Variants in VPS13A observed in about 807,000 individuals in gnomAD.
The protein encoded by VPS13A is vacuolar protein sorting 13 homolog A, also known as intermembrane lipid transfer protein VPS13A.
In VPS13A, 264 loss-of-function variants were observed where a neutral mutation model predicts 390.9. The ratio of observed to expected loss-of-function variants is 0.68; its 90% CI spans 0.61 to 0.75. The LOEUF (loss-of-function observed/expected upper bound fraction) is 0.75. VPS13A is among the 30% of genes least tolerant of loss of function. The pLI, the probability that VPS13A is intolerant of heterozygous loss-of-function variation, is 0.00. For missense variants in VPS13A, 3,409 were observed against 3,733.9 expected (o/e 0.91, Z 2.27); for synonymous variants, 1,231 against 1,227.1 (o/e 1.00, Z -0.07).
At chr9:77,395,439 C>T (rs1417794900) in intron 68 of VPS13A, among the ~76,000 whole-genome samples, 2 of 152,048 alleles carry the variant, frequency 1.3e-5, no homozygotes, top group Non-Finnish European at 2.9e-5. Context: ...GATCAGTGAT[C>T]ACAGATCACC....
At chr9:77,285,809 A>G (rs971214884) in intron 31 of VPS13A, among the ~76,000 whole-genome samples, 1 of 152,340 alleles carries the variant, frequency 6.6e-6, no homozygotes, top group East Asian at 1.9e-4. Context: ...AAGGAGATCC[A>G]CACACTGCAT....
chr9:77,282,470 CTTT>C (rs1827095701), intron 29 of VPS13A, among the ~76,000 whole-genome samples, 196 bp downstream of exon 29: 1 of 151,778 alleles, frequency 6.6e-6, no homozygotes, highest in South Asian at 2.1e-4. Flanking sequence ...GAAAATGTTG[CTTT>C]TGTTTATCGT....
chr9:77,266,295 G>T (rs945170036), intron 23 of VPS13A, among the ~76,000 whole-genome samples: 5 of 152,200 alleles, frequency 3.3e-5, no homozygotes, highest in Non-Finnish European at 5.9e-5. Flanking sequence ...GAGTTCTGTA[G>T]ATGTCTATTA....
chr9:77,310,566 C>G (rs1013322103), intron 35 of VPS13A, among the ~76,000 whole-genome samples: 3 of 152,118 alleles, frequency 2.0e-5, no homozygotes, highest in Non-Finnish European at 2.9e-5. Context: ...TTCAGAGATG[C>G]ACTCATCGTG....
intron 26 of VPS13A, among the ~76,000 whole-genome samples, chr9:77,277,231 T>A (rs1216166550): frequency 6.6e-6 from 1 of 152,316 alleles, no homozygotes; most frequent in African/African-American, 2.4e-5. Flanking sequence ...CATAATAATA[T>A]TATGTATGAG....
intron 31 of VPS13A, among the ~76,000 whole-genome samples, chr9:77,285,782 A>G (rs1023706277): frequency 4.9e-5 from 7 of 142,378 alleles, no homozygotes; most frequent in African/African-American, 1.8e-4. Flanking sequence ...TATTTTCCAT[A>G]TGGCATTCAG....
chr9:77,403,423 C>A, intron 69 of VPS13A, 102 bp downstream of exon 69: 1 of 977,184 alleles, frequency 1.0e-6, no homozygotes, highest in Non-Finnish European at 1.6e-6. Flanking sequence ...TATAGTCACA[C>A]TGATTCTTGG....
chr9:77,395,586 C>T (rs1170002692), intron 68 of VPS13A: 5 of 152,038 alleles, frequency 3.3e-5, no homozygotes, highest in African/African-American at 1.2e-4. Context: ...TTGCCATAAA[C>T]CTTCAATTTG....
At chr9:77,230,407 T>TGGTGTGA (rs1434306900) in intron 17 of VPS13A, among the ~76,000 whole-genome samples, 1 of 151,668 alleles carries the variant, frequency 6.6e-6, no homozygotes, top group Non-Finnish European at 1.5e-5. Flanking sequence ...TGTTAGTGTG[T>TGGTGTGA]GGTGTGAGGT....
At chr9:77,285,821 T>TG (rs1225962308) in intron 31 of VPS13A, among the ~76,000 whole-genome samples, 1 of 152,220 alleles carries the variant, frequency 6.6e-6, no homozygotes, top group Non-Finnish European at 1.5e-5. Context: ...ACACTGCATT[T>TG]GATTGATATA....
chr9:77,351,232 A>G lies in VPS13A; in HGVS notation c.7290-85A>G. The G allele has an allele frequency of 5.2e-6, 8 of 1,542,724 alleles. No homozygotes were observed. The South Asian group carries it at 9.0e-5, about 17-fold the overall frequency. ...CGATCACAGATCTCAGTGAACTAAG[A>G]ATTAATGAAGTATTATTTTAGTTTT... On this transcript the variant is annotated intron_variant, in intron 52 of 71. Transcript: ENST00000360280.
At chr9:77,403,466 C>T in intron 69 of VPS13A, 145 bp downstream of exon 69, 1 of 715,178 alleles carries the variant, frequency 1.4e-6, no homozygotes, top group South Asian at 1.5e-5. Flanking sequence ...ACTCGCTAAA[C>T]ATTACATAAA....
At chr9:77,389,217 T>C (rs897264084) in intron 68 of VPS13A, among the ~76,000 whole-genome samples, 4 of 152,152 alleles carry the variant, frequency 2.6e-5, no homozygotes, top group Non-Finnish European at 5.9e-5. Flanking sequence ...ATTATTAACT[T>C]CTAAAGATTA....
intron 13 of VPS13A, among the ~76,000 whole-genome samples, chr9:77,222,934 C>G (rs543507757): frequency 6.6e-6 from 1 of 152,266 alleles, no homozygotes; most frequent in Non-Finnish European, 1.5e-5. Context: ...TCACATGTGG[C>G]CAGTTGTTCA....
chr9:77,351,768 C>T (rs975646849), intron 53 of VPS13A, among the ~76,000 whole-genome samples: 1 of 152,074 alleles, frequency 6.6e-6, no homozygotes, highest in African/African-American at 2.4e-5. Flanking sequence ...ACTAAGGAGG[C>T]TGAGGCAGAA....
chr9:77,189,029 T>C (rs1478593690), intron 1 of VPS13A, among the ~76,000 whole-genome samples: 1 of 152,198 alleles, frequency 6.6e-6, no homozygotes, highest in East Asian at 1.9e-4. Context: ...GTTGGATGTA[T>C]AGCTTGCAAA....
At chr9:77,317,527 C>T in intron 39 of VPS13A, 79 bp from the exon 40 acceptor site, 2 of 1,059,206 alleles carry the variant, frequency 1.9e-6, no homozygotes. Context: ...TTTGACATAC[C>T]TATTACTAGG....
Position 77,332,071 on chromosome 9 carries a change from C to T in VPS13A, c.6053C>T (p.Ala2018Val), listed in dbSNP as rs751196276. 5 of 1,612,198 alleles carry T rather than the reference C, an allele frequency of 3.1e-6. No homozygotes were observed. The Admixed American group carries it at 8.3e-5, about 27-fold the overall frequency. ...VYEGDTLLGT[A>V]SPENEFNIPL... ...GAAGGGGATACCTTATTGGGAACTG[C>T]CTCACCTGAAAATGAATTCAACATA... Residue 2018 changes from alanine to valine, a missense_variant, in exon 46 of 72, where the codon GCC becomes GTC. By Grantham distance (64) the Ala-to-Val change is moderately conservative. Coordinates refer to ENST00000360280, the MANE Select transcript of VPS13A (RefSeq NM_033305.3).
intron 22 of VPS13A, among the ~76,000 whole-genome samples, chr9:77,254,838 A>G (rs1024162090): frequency 2.0e-5 from 3 of 152,172 alleles, no homozygotes; most frequent in African/African-American, 4.8e-5. Flanking sequence ...ACTGATTTTT[A>G]TATCCTGCAA....
Sources: allele counts gnomAD v4.1 joint callset (sites outside exome capture counted in the v4.1 genomes callset), GRCh38; gene constraint gnomAD v4.1.1; transcripts MANE v1.5; gene names NCBI Gene and HGNC (gene_info 2026-07-23, HGNC 2026-07-21).